PRH1: variants seen among roughly 807,000 people sequenced by gnomAD.
PRH1 encodes proline rich protein HaeIII subfamily 1, also known as salivary acidic proline-rich phosphoprotein 1/2.
In PRH1, 7 loss-of-function variants were observed where a neutral mutation model predicts 7.9. That is an observed-to-expected ratio of 0.89 (90% confidence interval 0.50 to 1.67). The LOEUF (loss-of-function observed/expected upper bound fraction) is 1.67, where lower values mean the gene tolerates loss of function less well. Among genes scored for constraint, PRH1 ranks in the 40% most tolerant of loss-of-function variants. PRH1 has a pLI of 0.00. For missense variants in PRH1, 109 were observed against 223.6 expected, an observed-to-expected ratio of 0.49 and a Z score of 3.27; for synonymous variants, 45 against 80.8, an observed-to-expected ratio of 0.56 and a Z score of 2.38.
intron 1 of PRH1, among the ~76,000 whole-genome samples, chr12:11,151,034 A>C (rs995625989): frequency 2.6e-5 from 4 of 152,036 alleles, no homozygotes; most frequent in African/African-American, 9.7e-5. Context: ...TATCATTCTG[A>C]TACTCTGCCT....
At chr12:10,980,855 C>A (rs900244865) in intron 1 of PRH1, among the ~76,000 whole-genome samples, 1 of 152,198 alleles carries the variant, frequency 6.6e-6, no homozygotes, top group Non-Finnish European at 1.5e-5. Context: ...ACAGAGCATG[C>A]AACATGAAGA....
chr12:10,962,068 C>T (rs1196840041), intron 2 of PRH1, among the ~76,000 whole-genome samples: 1 of 152,172 alleles, frequency 6.6e-6, no homozygotes, highest in Admixed American at 6.5e-5. Flanking sequence ...CTGGACTTAC[C>T]TTCCAAAGAA....
intron 2 of PRH1, among the ~76,000 whole-genome samples, chr12:10,894,312 A>G (rs1054893632): frequency 6.6e-6 from 1 of 152,210 alleles, no homozygotes; most frequent in African/African-American, 2.4e-5. Context: ...AGATTGTAAC[A>G]TTTTTGATGG....
At chr12:11,062,270 A>C (rs751485209) in intron 1 of PRH1, 2 of 1,612,248 alleles carry the variant, frequency 1.2e-6, no homozygotes, top group South Asian at 1.1e-5. Flanking sequence ...AGAATGGAAA[A>C]AATGATGGGC....
At chr12:10,899,238 G>C (rs891824711) in intron 2 of PRH1, among the ~76,000 whole-genome samples, 1 of 151,968 alleles carries the variant, frequency 6.6e-6, no homozygotes, top group Non-Finnish European at 1.5e-5. Context: ...ATGCAGCAAC[G>C]TGTTAAGAAT....
At chr12:11,044,567 T>C (rs1942838822) in intron 1 of PRH1, among the ~76,000 whole-genome samples, 1 of 151,804 alleles carries the variant, frequency 6.6e-6, no homozygotes, top group South Asian at 2.1e-4. Flanking sequence ...ATAACCAGAA[T>C]ATAAAAGGAG....
chr12:11,005,218 T>C (rs890899175), intron 1 of PRH1, among the ~76,000 whole-genome samples: 1 of 152,166 alleles, frequency 6.6e-6, no homozygotes, highest in Admixed American at 6.5e-5. Context: ...AAACACTATG[T>C]CCTGGCTATA....
chr12:11,065,088 A>G (rs1267885151), intron 1 of PRH1, among the ~76,000 whole-genome samples: 1 of 152,090 alleles, frequency 6.6e-6, no homozygotes, highest in Non-Finnish European at 1.5e-5. Flanking sequence ...TCTGAAAAAA[A>G]TATCATTTTA....
chr12:11,146,776 T>C (rs949676258), intron 1 of PRH1, among the ~76,000 whole-genome samples: 10 of 152,212 alleles, frequency 6.6e-5, no homozygotes, highest in Non-Finnish European at 1.3e-4. Context: ...TTCCTCCTTA[T>C]GAAAAGTCCA....
At chr12:10,977,100 G>T (rs1939138444) in intron 1 of PRH1, among the ~76,000 whole-genome samples, 1 of 152,014 alleles carries the variant, frequency 6.6e-6, no homozygotes, top group South Asian at 2.1e-4. Flanking sequence ...AAACTTTTCA[G>T]AGACACAACA....
At chr12:11,168,258 A>G (rs1251664179) in intron 1 of PRH1, among the ~76,000 whole-genome samples, 2 of 47,688 alleles carry the variant, frequency 4.2e-5, no homozygotes, top group African/African-American at 7.0e-5. Flanking sequence ...GAAAGAAAGA[A>G]AGAAAGAAAG....
chr12:11,055,624 A>G (rs1470750166), intron 1 of PRH1, among the ~76,000 whole-genome samples: 1 of 152,208 alleles, frequency 6.6e-6, no homozygotes, highest in East Asian at 1.9e-4. Flanking sequence ...AAAATGTTTC[A>G]TGCTGATGTT....
chr12:10,917,099 C>T (rs1291920766), intron 2 of PRH1, among the ~76,000 whole-genome samples: 1 of 151,722 alleles, frequency 6.6e-6, no homozygotes, highest in Admixed American at 6.6e-5. Flanking sequence ...TATATGTATA[C>T]ATGGGTGAGA....
chr12:11,065,896 G>C (rs966454837), intron 1 of PRH1, among the ~76,000 whole-genome samples: 7 of 152,214 alleles, frequency 4.6e-5, no homozygotes, highest in Admixed American at 2.6e-4. Flanking sequence ...TCTGTTGCTG[G>C]GTCATCACCA....
At chr12:11,134,248 T>G in intron 1 of PRH1, 1 of 1,601,454 alleles carries the variant, frequency 6.2e-7, no homozygotes, top group Non-Finnish European at 8.5e-7. Context: ...TTATCATGTC[T>G]GAACAGACAA....
At chr12:10,903,931 CAAAAA>C (rs546066515) in intron 2 of PRH1, among the ~76,000 whole-genome samples, 242 of 31,100 alleles carry the variant, frequency 7.8e-3, no homozygotes, top group Middle Eastern at 0.045. Flanking sequence ...ACAATAGCCT[CAAAAA>C]AAAAAAAAAA....
intron 2 of PRH1, among the ~76,000 whole-genome samples, chr12:10,968,690 G>A (rs904466238): frequency 2.0e-5 from 3 of 152,210 alleles, no homozygotes; most frequent in African/African-American, 7.2e-5. Flanking sequence ...GGCTGGCAGG[G>A]GTGAAATCCA....
intron 1 of PRH1, among the ~76,000 whole-genome samples, chr12:11,091,115 C>CACATAT (rs751016037): frequency 0.011 from 288 of 25,120 alleles, 58 homozygotes; most frequent in South Asian, 0.019. Flanking sequence ...CACACACACA[C>CACATAT]ATATATATAT....
chr12:11,148,477 A>C (rs1316896420), intron 1 of PRH1, among the ~76,000 whole-genome samples: 7 of 146,640 alleles, frequency 4.8e-5, no homozygotes, highest in East Asian at 2.0e-4. Context: ...TACCTAATTT[A>C]TTGAGAGTTT....
Sources: allele counts gnomAD v4.1 joint callset (sites outside exome capture counted in the v4.1 genomes callset), GRCh38; gene constraint gnomAD v4.1.1; transcripts MANE v1.5; gene names NCBI Gene and HGNC (gene_info 2026-07-23, HGNC 2026-07-21).